MON2: variants seen among roughly 807,000 people sequenced by gnomAD.
MON2 encodes the protein MON2 regulator of endosome-to-Golgi trafficking, also known as protein MON2 homolog.
In MON2, 84 loss-of-function variants were observed where a neutral mutation model predicts 208.6. That is an observed-to-expected ratio of 0.40 (90% CI 0.34 to 0.48). The LOEUF is 0.48. Among genes scored for constraint, MON2 ranks in the 20% least tolerant of loss-of-function variants. The pLI is 0.59. For missense variants in MON2, 1,611 were observed against 2,015.4 expected, an observed-to-expected ratio of 0.80 and a Z score of 3.84; for synonymous variants, 660 against 694.0, an observed-to-expected ratio of 0.95 and a Z score of 0.77.
At chr12:62,584,727 A>C (rs1017759687) in intron 32 of MON2, among the ~76,000 whole-genome samples, 2 of 151,014 alleles carry the variant, frequency 1.3e-5, no homozygotes, top group African/African-American at 4.9e-5. Context: ...AAAAAAAAAA[A>C]AGGAGATCTT....
At chr12:62,491,789 G>C (rs996714139) in intron 2 of MON2, among the ~76,000 whole-genome samples, 1 of 152,104 alleles carries the variant, frequency 6.6e-6, no homozygotes, top group Non-Finnish European at 1.5e-5. Flanking sequence ...AATGTAACTT[G>C]GTTACTATTA....
Position 62,597,345 on chromosome 12 carries a change from T to G in MON2, c.*4596T>G, listed in dbSNP as rs1334907311. The G allele has an allele frequency of 6.6e-6, 1 of 152,196 alleles. No homozygotes were observed. The highest frequency in any genetic ancestry group is 1.5e-5 in the Non-Finnish European group (1 of 68,034). 9.4% of individuals were successfully genotyped at this position (152,196 alleles called of 1,614,324 possible). A position where few individuals can be genotyped will look rare whatever the true frequency, so the allele number is the denominator to read the frequency against. ...TTCTCTGCCTCTTCTCTTTCAGCTC[T>G]TTCTCTAATTGTGCCTATTCCTTGT... On this transcript the variant is annotated 3_prime_UTR_variant, in exon 35 of 35. Transcript: ENST00000393630.
chr12:62,585,125 CA>C (rs750233421), intron 32 of MON2, among the ~76,000 whole-genome samples, 168 bp from the exon 33 acceptor site: 26 of 64,306 alleles, frequency 4.0e-4, no homozygotes, highest in East Asian at 1.4e-3. Flanking sequence ...CAAAAAAAAA[CA>C]AAAAAAAAAC....
chr12:62,548,491 CTTTTG>C lies in MON2; in HGVS notation c.2754-1171_2754-1167del, dbSNP rs1325511023. On this transcript the variant is annotated intron_variant, in intron 22 of 34. Transcript: ENST00000393630. ...TTTTCTGTAATTCTGCAGTATCACA[CTTTTG>C]TTTTGATGACTAGTTCGGAAGTTGT... 8.5e-5 allele frequency among the ~76,000 whole-genome samples: 13 copies of C among 152,296 alleles called. No homozygotes were observed. In the East Asian group the frequency reaches 1.9e-3, roughly 23 times the overall value.
chr12:62,587,331 T>C (rs566107060), intron 33 of MON2, among the ~76,000 whole-genome samples: 1 of 152,270 alleles, frequency 6.6e-6, no homozygotes, highest in South Asian at 2.1e-4. Flanking sequence ...AATAGTAGTC[T>C]TTGTTTCCAT....
chr12:62,484,998 ATAT>A (rs1189424909), intron 2 of MON2: 2 of 151,014 alleles, frequency 1.3e-5, no homozygotes, highest in Non-Finnish European at 2.9e-5. Flanking sequence ...TTGTGGGGAA[ATAT>A]TATCTTATTT....
At chr12:62,521,441 C>T (rs1031395981) in intron 8 of MON2, among the ~76,000 whole-genome samples, 2 of 152,066 alleles carry the variant, frequency 1.3e-5, no homozygotes, top group Non-Finnish European at 2.9e-5. Flanking sequence ...ATTTGGCCCA[C>T]GTGCATTGAA....
chr12:62,547,589 A>AT (rs1186440485), intron 22 of MON2, among the ~76,000 whole-genome samples: 1 of 152,212 alleles, frequency 6.6e-6, no homozygotes, highest in African/African-American at 2.4e-5. Flanking sequence ...CATGGTAGTT[A>AT]TTCTGATTAC....
chr12:62,519,073 G>GA (rs2071859789), intron 8 of MON2, among the ~76,000 whole-genome samples: 1 of 152,146 alleles, frequency 6.6e-6, no homozygotes, highest in Non-Finnish European at 1.5e-5. Context: ...TTAGTCTCAA[G>GA]ACTGCTTTAT....
At chr12:62,536,563 T>C (rs1296711055) in intron 14 of MON2, among the ~76,000 whole-genome samples, 1 of 152,196 alleles carries the variant, frequency 6.6e-6, no homozygotes, top group Non-Finnish European at 1.5e-5. Context: ...ATACTTAGAA[T>C]GTGTTCGAGT....
Position 62,532,490 on chromosome 12 carries a change from AT to A in MON2, c.1454del (p.Met485SerfsTer9). 1 of 1,614,166 alleles carries A rather than the reference AT, an allele frequency of 6.2e-7. No individual in the cohort carries two copies. The highest frequency in any genetic ancestry group is 8.5e-7 in the Non-Finnish European group (1 of 1,180,016). On this transcript the variant is annotated frameshift_variant, in exon 12 of 35. Coordinates refer to ENST00000393630, the MANE Select transcript of MON2 (RefSeq NM_015026.3). LOFTEE classifies it high-confidence loss of function. ...EPPTIPEGYA[M>X]SVAFHCLLDL... Reference sequence around the variant, plus strand: ...TCCAACTATACCTGAAGGTTACGCCATGTCTGTGGCATTCCATTGTTTGCTA... The same window carrying A: ...TCCAACTATACCTGAAGGTTACGCCAGTCTGTGGCATTCCATTGTTTGCTA...
chr12:62,550,620 G>A (rs1321511417), intron 23 of MON2, among the ~76,000 whole-genome samples: 1 of 152,198 alleles, frequency 6.6e-6, no homozygotes, highest in Non-Finnish European at 1.5e-5. Flanking sequence ...GCTAGATCTG[G>A]ATAACTTGCT....
intron 12 of MON2, among the ~76,000 whole-genome samples, chr12:62,534,542 A>AAAAAAATATATATAT: frequency 4.4e-5 from 1 of 22,850 alleles, no homozygotes; most frequent in South Asian, 1.3e-3. Context: ...AAAAAAAAAA[A>AAAAAAATATATATAT]ATATATATAT....
chr12:62,533,725 T>C (rs1010649237), intron 12 of MON2, among the ~76,000 whole-genome samples: 1 of 152,164 alleles, frequency 6.6e-6, no homozygotes, highest in Non-Finnish European at 1.5e-5. Context: ...AACACAGGTA[T>C]ACTAGGTATG....
At chr12:62,534,518 CA>C (rs869145698) in intron 12 of MON2, among the ~76,000 whole-genome samples, 14 of 67,430 alleles carry the variant, frequency 2.1e-4, no homozygotes, top group South Asian at 5.6e-4. Context: ...GACTCCATCG[CA>C]AAAAAAAAAA....
At chr12:62,580,209 T>G (rs999335299) in intron 31 of MON2, 88 bp from the exon 32 acceptor site, 1 of 1,308,042 alleles carries the variant, frequency 7.6e-7, no homozygotes, top group Non-Finnish European at 1.1e-6. Context: ...TGATTTTCAT[T>G]TAAAGTAAAA....
intron 1 of MON2, among the ~76,000 whole-genome samples, chr12:62,475,824 A>G (rs934834143): frequency 6.6e-6 from 1 of 151,396 alleles, no homozygotes; most frequent in Non-Finnish European, 1.5e-5. Context: ...AGCCTGGCCA[A>G]TGTGGTGAAA....
chr12:62,511,370 A>G (rs2071389722), intron 8 of MON2, among the ~76,000 whole-genome samples: 2 of 152,208 alleles, frequency 1.3e-5, no homozygotes, highest in African/African-American at 2.4e-5. Flanking sequence ...TTACAAAGCT[A>G]CAGTAATCAG....
At chr12:62,568,612 T>C (rs2074473183) in intron 29 of MON2, among the ~76,000 whole-genome samples, 1 of 152,176 alleles carries the variant, frequency 6.6e-6, no homozygotes, top group Non-Finnish European at 1.5e-5. Flanking sequence ...GCACTAGGAT[T>C]GTAGGTGTGA....
Sources: gnomAD v4.1 joint callset for allele counts (sites outside exome capture counted in the v4.1 genomes callset) on GRCh38, gnomAD v4.1.1 for gene constraint, MANE v1.5 for transcripts, NCBI Gene and HGNC (gene_info 2026-07-23, HGNC 2026-07-21) for gene names.